Variants in IFNA17 observed in about 807,000 individuals in gnomAD.
IFNA17 encodes the protein interferon alpha-17.
For missense variants in IFNA17, 285 were observed against 212.7 expected (o/e 1.34, Z -2.11); for synonymous variants, 107 against 80.5 (o/e 1.33, Z -1.76).
rs1482112734 is a variant in IFNA17, at chr9:21,228,118, A to G, written c.56T>C (p.Ile19Thr). ...MAVLVLSYKS[I>T]CSLGCDLPQT... Reference sequence around the variant, plus strand: ...AGGCAGATCACAGCCTAGAGAACAGATGGATTTGTAGCTGAGCACCAGCAC... The same window carrying G: ...AGGCAGATCACAGCCTAGAGAACAGGTGGATTTGTAGCTGAGCACCAGCAC... Residue 19 changes from isoleucine to threonine, a missense_variant, in exon 1 of 1, where the codon ATC (isoleucine) becomes ACC (threonine). Ile to Thr is a moderately conservative substitution (Grantham distance 89). Coordinates refer to ENST00000413767, the MANE Select transcript of IFNA17 (RefSeq NM_021268.2). 6 of 1,614,018 alleles carry G rather than the reference A, an allele frequency of 3.7e-6. No individual in the cohort carries two copies. In the South Asian group the frequency reaches 5.5e-5, roughly 15 times the overall value.
chr9:21,227,836 T>G lies in IFNA17; in HGVS notation c.338A>C (p.Tyr113Ser), dbSNP rs946737188. Residue 113 changes from tyrosine (Y) to serine (S), a missense_variant, in exon 1 of 1, where the codon TAC becomes TCC. Physicochemically the swap from Tyr to Ser is moderately radical, Grantham distance 144 (BLOSUM62 -2). Transcript: ENST00000413767. ...SLLEKFSTEL[Y>S]QQLNNLEACV... ...TGCTTCCAGGTTATTCAGTTGCTGG[T>G]AAAGTTCAGTGGAAAATTTTTCTAG... 6.2e-7 allele frequency: 1 copy of G among 1,613,730 alleles called. No homozygotes were observed. The highest frequency in any genetic ancestry group is 2.2e-5 in the East Asian group (1 of 44,884).
At chr9:21,227,960 G>A in the IFNA17 span, 1 of 1,613,868 alleles carries the variant, frequency 6.2e-7, no homozygotes, top group African/African-American at 1.3e-5. Context: ...TGAGTCTTCT[G>A]GAACTGGTTG....
chr9:21,227,881 G>A lies in IFNA17; in HGVS notation c.293C>T (p.Ala98Val), dbSNP rs367746060. ...TTCTAGGAGGCTCTGTTCCCAAGCA[G>A]CAGATGAGTCCTCTGTGCTGAAGAG... ...FNLFSTEDSSAAWEQSLLEKF... is the reference protein window; with the variant it reads ...FNLFSTEDSSVAWEQSLLEKF... Residue 98 changes from alanine to valine, a missense_variant, in exon 1 of 1, where the codon GCT becomes GTT. Physicochemically the swap from Ala to Val is moderately conservative, Grantham distance 64. Coordinates refer to ENST00000413767, the MANE Select transcript of IFNA17 (RefSeq NM_021268.2). The A allele has an allele frequency of 2.7e-5, 43 of 1,613,728 alleles. No homozygotes were observed. Among genetic ancestry groups the A allele is most frequent in the Non-Finnish European group, 3.4e-5 (40 of 1,179,884 alleles).
At position 21,227,990 on chromosome 9, in the gene IFNA17, G is replaced by C. The variant is rs149085919; in HGVS notation, c.184C>G (p.Pro62Ala). Reference sequence around the variant, plus strand: ...TGGTTGCCATCAAACTCCTCCTGGGGAAGTCCAAAGTCATGTCTGTCCTTC... The same window carrying C: ...TGGTTGCCATCAAACTCCTCCTGGGCAAGTCCAAAGTCATGTCTGTCCTTC... ...CLKDRHDFGL[P>A]QEEFDGNQFQ... Residue 62 changes from proline (P) to alanine (A), a missense_variant, in exon 1 of 1, where the codon CCC (proline) becomes GCC (alanine). By Grantham distance (27) the Pro-to-Ala change is conservative. Transcript: ENST00000413767. 6.1e-5 allele frequency: 98 copies of C among 1,613,906 alleles called. No homozygotes were observed. The highest frequency in any genetic ancestry group is 7.9e-5 in the Non-Finnish European group (93 of 1,179,932).
In IFNA17 at chr9:21,227,673, G is replaced by T. The variant is rs1473661742; in HGVS notation, c.501C>A (p.Val167=). The T allele has an allele frequency of 2.5e-6, 4 of 1,613,786 alleles. No homozygotes were observed. The highest frequency in any genetic ancestry group is 3.4e-6 in the Non-Finnish European group (4 of 1,179,930). Reference sequence around the variant, plus strand: ...AGAGAGATCTCATGATTTCTGCTCTGACAACCTCCCAGGCACAAGGGCTGT... The same window carrying T: ...AGAGAGATCTCATGATTTCTGCTCTTACAACCTCCCAGGCACAAGGGCTGT... ...KKYSPCAWEV[V]RAEIMRSLSF... is the part of the protein sequence containing the mutation. The change falls in exon 1 of 1, where the codon GTC becomes GTA. Residue 167 remains valine (V), a synonymous_variant. Coordinates refer to ENST00000413767, the MANE Select transcript of IFNA17 (RefSeq NM_021268.2).
the IFNA17 span, chr9:21,228,003 A>AT: frequency 0.034 from 54,270 of 1,614,068 alleles, 1,149 homozygotes; most frequent in Middle Eastern, 0.062. Context: ...GTCCAAAGTC[A>AT]TGTCTGTCCT....
Position 21,227,796 on chromosome 9 carries a change from C to G in IFNA17, c.378G>C (p.Glu126Asp). ...TCAGGGGAGTCTCTTCCATCCCAACCTCCTGTATCACACATGCTTCCAGGT... is the reference window on the plus strand; with the variant it reads ...TCAGGGGAGTCTCTTCCATCCCAACGTCCTGTATCACACATGCTTCCAGGT... ...LNNLEACVIQEVGMEETPLMN... is the reference protein window; with the variant it reads ...LNNLEACVIQDVGMEETPLMN... The change falls in exon 1 of 1, where the codon GAG (glutamate) becomes GAC (aspartate). Residue 126 changes from glutamate to aspartate, a missense_variant. Transcript: ENST00000413767. 6.2e-7 allele frequency: 1 copy of G among 1,613,956 alleles called. No individual in the cohort carries two copies. The highest frequency in any genetic ancestry group is 8.5e-7 in the Non-Finnish European group (1 of 1,179,954).
At position 21,227,567 on chromosome 9, in the gene IFNA17, T is replaced by A; in HGVS notation, c.*37A>T. ...ACTCATGAAAGTGTGAGATAATGTATTAGTCAATCAGGATCATTGCCATGT... is the reference window on the plus strand; with the variant it reads ...ACTCATGAAAGTGTGAGATAATGTAATAGTCAATCAGGATCATTGCCATGT... On this transcript the variant is annotated 3_prime_UTR_variant, in exon 1 of 1. Coordinates refer to ENST00000413767, the MANE Select transcript of IFNA17 (RefSeq NM_021268.2). 6.2e-7 allele frequency: 1 copy of A among 1,606,904 alleles called. No homozygotes were observed. Among genetic ancestry groups the A allele is most frequent in the Non-Finnish European group, 8.5e-7 (1 of 1,178,142 alleles).
Position 21,228,009 on chromosome 9 carries a change from G to C in IFNA17, c.165C>G (p.Asp55Glu). 6.2e-7 allele frequency: 1 copy of C among 1,614,106 alleles called. No individual in the cohort carries two copies. Among genetic ancestry groups the C allele is most frequent in the Non-Finnish European group, 8.5e-7 (1 of 1,180,020 alleles). The change falls in exon 1 of 1, where the codon GAC (aspartate) becomes GAG (glutamate). Residue 55 changes from aspartate (D) to glutamate (E), a missense_variant. Coordinates refer to ENST00000413767, the MANE Select transcript of IFNA17 (RefSeq NM_021268.2). The stretch of plus-strand genomic sequence containing the variant: ...CCTGGGGAAGTCCAAAGTCATGTCT[G>C]TCCTTCAGGCAGGAGAAAGGAGAGA... ...GRISPFSCLK[D>E]RHDFGLPQEE... is the part of the protein sequence containing the mutation.
Position 21,227,669 on chromosome 9 carries a change from C to G in IFNA17, c.505G>C (p.Ala169Pro). ...AAAGAGAGAGATCTCATGATTTCTGCTCTGACAACCTCCCAGGCACAAGGG... is the reference window on the plus strand; with the variant it reads ...AAAGAGAGAGATCTCATGATTTCTGGTCTGACAACCTCCCAGGCACAAGGG... ...YSPCAWEVVR[A>P]EIMRSLSFST... Residue 169 changes from alanine (A) to proline (P), a missense_variant, in exon 1 of 1, where the codon GCA becomes CCA. Transcript: ENST00000413767. 6.2e-7 allele frequency: 1 copy of G among 1,613,716 alleles called. No individual in the cohort carries two copies. Among genetic ancestry groups the G allele is most frequent in the South Asian group, 1.1e-5 (1 of 91,018 alleles).
chr9:21,228,057 T>C lies in IFNA17; in HGVS notation c.117A>G (p.Ile39Met). The change falls in exon 1 of 1, where the codon ATA (isoleucine) becomes ATG (methionine). Residue 39 changes from isoleucine (I) to methionine (M), a missense_variant. Transcript: ENST00000413767. Reference sequence around the variant, plus strand: ...AGATTCTTCCCATTTGTGCCAGGAGTATCAAGGCCCTCCTATTACCCAGGC... The same window carrying C: ...AGATTCTTCCCATTTGTGCCAGGAGCATCAAGGCCCTCCTATTACCCAGGC... ...THSLGNRRAL[I>M]LLAQMGRISP... 2 of 1,613,876 alleles carry C rather than the reference T, an allele frequency of 1.2e-6. No homozygotes were observed. Among genetic ancestry groups the C allele is most frequent in the Non-Finnish European group, 1.7e-6 (2 of 1,179,978 alleles).
Position 21,227,454 on chromosome 9 carries a change from A to G in IFNA17, c.*150T>C. On this transcript the variant is annotated 3_prime_UTR_variant, in exon 1 of 1. Coordinates refer to ENST00000413767, the MANE Select transcript of IFNA17 (RefSeq NM_021268.2). ...AAAGTACTAGTGCCTGCACAGGTAT[A>G]CACGACGCTTCTTTACACTGCTGAA... 8.4e-7 allele frequency: 1 copy of G among 1,196,140 alleles called. No individual in the cohort carries two copies. 74.1% of individuals were successfully genotyped at this position (1,196,140 alleles called of 1,614,324 possible).
In IFNA17 at chr9:21,228,215, C is replaced by T; in HGVS notation, c.-42G>A. On this transcript the variant is annotated 5_prime_UTR_variant, in exon 1 of 1. Coordinates refer to ENST00000413767, the MANE Select transcript of IFNA17 (RefSeq NM_021268.2). ...TTGCTAGGCTACTTGAGATGGGTAA[C>T]CTTGAACTTTGGCCTCTAGGTTTTC... 6.3e-7 allele frequency: 1 copy of T among 1,576,544 alleles called. No individual in the cohort carries two copies. Among genetic ancestry groups the T allele is most frequent in the Non-Finnish European group, 8.6e-7 (1 of 1,163,228 alleles).
chr9:21,227,734 A>G lies in IFNA17; in HGVS notation c.440T>C (p.Phe147Ser), dbSNP rs1324798464. The G allele has an allele frequency of 6.2e-7, 1 of 1,613,874 alleles. No homozygotes were observed. The highest frequency in any genetic ancestry group is 1.3e-5 in the African/African-American group (1 of 74,876). ...EDSILAVRKY[F>S]QRITLYLTEK... ...TGTTAGATAAAGAGTGATTCTTTGGAAGTATTTCCTCACAGCCAGGATGGA... is the reference window on the plus strand; with the variant it reads ...TGTTAGATAAAGAGTGATTCTTTGGGAGTATTTCCTCACAGCCAGGATGGA... The change falls in exon 1 of 1, where the codon TTC becomes TCC. Residue 147 changes from phenylalanine to serine, a missense_variant. Transcript: ENST00000413767.
In IFNA17 at chr9:21,228,090, C is replaced by G. The variant is rs567609818; in HGVS notation, c.84G>C (p.Gln28His). 87 of 1,614,054 alleles carry G rather than the reference C, an allele frequency of 5.4e-5. No homozygotes were observed. In the South Asian group the frequency reaches 9.4e-4, roughly 18 times the overall value. ...SICSLGCDLP[Q>H]THSLGNRRAL... ...CCCTCCTATTACCCAGGCTGTGGGT[C>G]TGAGGCAGATCACAGCCTAGAGAAC... is the stretch of plus-strand genomic sequence containing the variant. The change falls in exon 1 of 1, where the codon CAG becomes CAC. Residue 28 changes from glutamine (Q) to histidine (H), a missense_variant. Gln to His is a conservative substitution (Grantham distance 24). Transcript: ENST00000413767.
rs776541386 is a variant in IFNA17, at chr9:21,227,598, C to G, written c.*6G>C. The G allele has an allele frequency of 1.9e-6, 3 of 1,611,402 alleles. No homozygotes were observed. The highest frequency in any genetic ancestry group is 2.2e-5 in the South Asian group (2 of 90,860). Reference sequence around the variant, plus strand: ...AATCAGGATCATTGCCATGTTGAACCAGTTTTCAATCCTTCCTCCTTAATA... The same window carrying G: ...AATCAGGATCATTGCCATGTTGAACGAGTTTTCAATCCTTCCTCCTTAATA... On this transcript the variant is annotated 3_prime_UTR_variant, in exon 1 of 1. Coordinates refer to ENST00000413767, the MANE Select transcript of IFNA17 (RefSeq NM_021268.2).
In IFNA17 at chr9:21,228,024, G is replaced by C; in HGVS notation, c.150C>G (p.Phe50Leu). Residue 50 changes from phenylalanine to leucine, a missense_variant, in exon 1 of 1, where the codon TTC (phenylalanine) becomes TTG (leucine). Physicochemically the swap from Phe to Leu is conservative, Grantham distance 22. Transcript: ENST00000413767. ...LLAQMGRISP[F>L]SCLKDRHDFG... is the part of the protein sequence containing the mutation. ...AGTCATGTCTGTCCTTCAGGCAGGA[G>C]AAAGGAGAGATTCTTCCCATTTGTG... is the stretch of plus-strand genomic sequence containing the variant. 1 of 1,614,138 alleles carries C rather than the reference G, an allele frequency of 6.2e-7. No individual in the cohort carries two copies. The highest frequency in any genetic ancestry group is 8.5e-7 in the Non-Finnish European group (1 of 1,180,036).
rs1285754357 is a variant in IFNA17 at position 21,228,054 on chromosome 9, G to C, written c.120C>G (p.Leu40=). Residue 40 remains leucine (L), a synonymous_variant, in exon 1 of 1, where the codon CTC becomes CTG. Transcript: ENST00000413767. ...HSLGNRRALI[L]LAQMGRISPF... ...GAGAGATTCTTCCCATTTGTGCCAG[G>C]AGTATCAAGGCCCTCCTATTACCCA... 5 of 1,613,952 alleles carry C rather than the reference G, an allele frequency of 3.1e-6. No homozygotes were observed. In the South Asian group the frequency reaches 4.4e-5, roughly 14 times the overall value.
Position 21,228,158 on chromosome 9 carries a change from A to T in IFNA17, c.16T>A (p.Ser6Thr). ...AGCACCAGCACGGCCATCAGTAAAGAAAAGGACAGGGCCATTGGGATGTTG... is the reference window on the plus strand; with the variant it reads ...AGCACCAGCACGGCCATCAGTAAAGTAAAGGACAGGGCCATTGGGATGTTG... MALSFSLLMAVLVLSY... is the reference protein window; with the variant it reads MALSFTLLMAVLVLSY... Residue 6 changes from serine to threonine, a missense_variant, in exon 1 of 1, where the codon TCT becomes ACT. Coordinates refer to ENST00000413767, the MANE Select transcript of IFNA17 (RefSeq NM_021268.2). 6.2e-7 allele frequency: 1 copy of T among 1,613,282 alleles called. No individual in the cohort carries two copies. Among genetic ancestry groups the T allele is most frequent in the South Asian group, 1.1e-5 (1 of 90,954 alleles).
Sources: gnomAD v4.1 joint callset for allele counts on GRCh38, gnomAD v4.1.1 for gene constraint, MANE v1.5 for transcripts, NCBI Gene and HGNC (gene_info 2026-07-23, HGNC 2026-07-21) for gene names.